FHIT: variants seen among roughly 807,000 people sequenced by gnomAD.
The protein encoded by FHIT is bis(5'-adenosyl)-triphosphatase.
In FHIT, 19 loss-of-function variants were observed where a neutral mutation model predicts 17.9. The observed-to-expected ratio is 1.06, with a 90% CI of 0.74 to 1.56. The LOEUF is 1.56. Among genes scored for constraint, FHIT ranks in the 40% most tolerant of loss-of-function variants. The pLI is 0.00. For synonymous variants in FHIT, 81 were observed against 69.7 expected, an observed-to-expected ratio of 1.16 and a Z score of -0.81; for missense variants, 248 against 189.2, an observed-to-expected ratio of 1.31 and a Z score of -1.82.
chr3:60,177,674 A>C (rs2107429211), intron 5 of FHIT, among the ~76,000 whole-genome samples: 1 of 152,314 alleles, frequency 6.6e-6, no homozygotes, highest in African/African-American at 2.4e-5. Context: ...CTATGGTATT[A>C]CTTTTACTGT....
At chr3:59,941,014 C>A (rs558333555) in intron 7 of FHIT, among the ~76,000 whole-genome samples, 7 of 152,252 alleles carry the variant, frequency 4.6e-5, no homozygotes, top group South Asian at 4.1e-4. Context: ...ATGATCCCAG[C>A]ATCTGTGACT....
At chr3:60,705,473 C>A (rs1410568987) in intron 4 of FHIT, among the ~76,000 whole-genome samples, 1 of 152,092 alleles carries the variant, frequency 6.6e-6, no homozygotes. Context: ...AAATACAGGA[C>A]ACTAATTTGG....
At chr3:61,039,659 C>T (rs1047200542) in intron 3 of FHIT, among the ~76,000 whole-genome samples, 1 of 152,024 alleles carries the variant, frequency 6.6e-6, no homozygotes, top group Non-Finnish European at 1.5e-5. Context: ...ACAATGAGAA[C>T]ACATGGACAC....
intron 1 of FHIT, among the ~76,000 whole-genome samples, chr3:61,201,924 C>T (rs1048008149): frequency 6.6e-6 from 1 of 151,984 alleles, no homozygotes; most frequent in African/African-American, 2.4e-5. Flanking sequence ...ACAATAATGA[C>T]TTAAAATACA....
At chr3:61,236,182 AT>A (rs893000390) in intron 1 of FHIT, among the ~76,000 whole-genome samples, 3 of 148,000 alleles carry the variant, frequency 2.0e-5, no homozygotes, top group South Asian at 4.2e-4. Flanking sequence ...ATAATAATAT[AT>A]TTTTGTTATA....
At chr3:60,780,444 C>T (rs1262278203) in intron 4 of FHIT, among the ~76,000 whole-genome samples, 6 of 152,176 alleles carry the variant, frequency 3.9e-5, no homozygotes, top group Non-Finnish European at 7.3e-5. Context: ...GGCTTTTGGC[C>T]TCCCTCTACG....
At chr3:60,782,235 G>GTATATATATATATATATA (rs879948599) in intron 4 of FHIT, among the ~76,000 whole-genome samples, 26 of 76,188 alleles carry the variant, frequency 3.4e-4, no homozygotes, top group South Asian at 6.1e-4. Flanking sequence ...GTGTGTGTGT[G>GTATATATATATATATATA]TGTATATATA....
intron 5 of FHIT, among the ~76,000 whole-genome samples, chr3:60,509,012 C>T (rs1364780195): frequency 6.6e-6 from 1 of 152,186 alleles, no homozygotes; most frequent in Non-Finnish European, 1.5e-5. Context: ...TCTGTGGTGT[C>T]TACCAGCTAA....
intron 5 of FHIT, among the ~76,000 whole-genome samples, chr3:60,441,383 G>A (rs963909517): frequency 1.3e-5 from 2 of 151,902 alleles, no homozygotes; most frequent in South Asian, 4.2e-4. Flanking sequence ...GGGAAAAAGA[G>A]GTGTCTCCAC....
chr3:60,225,944 C>A (rs1704177043), intron 5 of FHIT, among the ~76,000 whole-genome samples: 1 of 152,132 alleles, frequency 6.6e-6, no homozygotes, highest in South Asian at 2.1e-4. Flanking sequence ...TTCAACATTT[C>A]TGTGGGTGCC....
At chr3:60,486,435 T>C (rs1258448858) in intron 5 of FHIT, among the ~76,000 whole-genome samples, 2 of 152,094 alleles carry the variant, frequency 1.3e-5, no homozygotes, top group Non-Finnish European at 2.9e-5. Context: ...CCATAATCCC[T>C]TGAACAATTC....
At chr3:60,550,687 A>G (rs2006807) in intron 4 of FHIT, among the ~76,000 whole-genome samples, 2 of 151,448 alleles carry the variant, frequency 1.3e-5, no homozygotes, top group East Asian at 3.9e-4. Context: ...TGTCTCCTAA[A>G]AAGATGTTCA....
chr3:59,926,463 TAGAAATA>T (rs1208460013), intron 7 of FHIT, among the ~76,000 whole-genome samples: 2 of 152,154 alleles, frequency 1.3e-5, no homozygotes, highest in Admixed American at 1.3e-4. Flanking sequence ...TAATTTTGGA[TAGAAATA>T]AGTGTCCTGA....
intron 4 of FHIT, among the ~76,000 whole-genome samples, chr3:60,805,340 T>C (rs1028008035): frequency 1.5e-4 from 23 of 152,096 alleles, no homozygotes; most frequent in African/African-American, 5.6e-4. Flanking sequence ...AAGTCCAAGA[T>C]CATGGTGTCA....
intron 8 of FHIT, among the ~76,000 whole-genome samples, chr3:59,780,275 T>C (rs1161758692): frequency 6.6e-6 from 1 of 152,228 alleles, no homozygotes; most frequent in Non-Finnish European, 1.5e-5. Flanking sequence ...GGGTTTGATA[T>C]GTAACGGGCC....
intron 4 of FHIT, among the ~76,000 whole-genome samples, chr3:60,666,997 G>A (rs1290663533): frequency 6.9e-6 from 1 of 145,404 alleles, no homozygotes; most frequent in Non-Finnish European, 1.5e-5. Flanking sequence ...TGGGACTACA[G>A]GTGTGCACCA....
chr3:60,453,834 C>G (rs4566489), intron 5 of FHIT, among the ~76,000 whole-genome samples: 1 of 151,898 alleles, frequency 6.6e-6, no homozygotes, highest in African/African-American at 2.4e-5. Flanking sequence ...TCACAATAAG[C>G]TATATAAAGC....
chr3:59,750,122 C>CAG (rs1700811794), intron 9 of FHIT: 2 of 226,650 alleles, frequency 8.8e-6, no homozygotes, highest in South Asian at 3.7e-4. Context: ...ACCTGGAAGA[C>CAG]AGGAGGTGTC....
intron 2 of FHIT, among the ~76,000 whole-genome samples, chr3:61,133,852 C>T (rs2036833522): frequency 6.6e-6 from 1 of 151,928 alleles, no homozygotes; most frequent in Non-Finnish European, 1.5e-5. Flanking sequence ...TTTGGGAGGC[C>T]GAGATAGGTG....
Sources: gnomAD v4.1 joint callset for allele counts (sites outside exome capture counted in the v4.1 genomes callset) on GRCh38, gnomAD v4.1.1 for gene constraint, MANE v1.5 for transcripts, NCBI Gene and HGNC (gene_info 2026-07-23, HGNC 2026-07-21) for gene names.